Variants in CHRDL2 observed in about 807,000 individuals in gnomAD.
The protein encoded by CHRDL2 is chordin like 2.
A neutral mutation model predicts 54.3 loss-of-function variants in CHRDL2; 41 were observed. The observed-to-expected ratio is 0.76, with a 90% CI of 0.59 to 0.98. The LOEUF (loss-of-function observed/expected upper bound fraction) is 0.98, where lower values mean the gene tolerates loss of function less well. Ranked by LOEUF, CHRDL2 falls within the 50% of genes least tolerant of loss-of-function variation. The probability of loss-of-function intolerance (pLI) is 0.00; values close to 1 mark genes in which losing one functional copy is unlikely to be tolerated. For synonymous variants in CHRDL2, 220 were observed against 224.3 expected (o/e 0.98, Z 0.17); for missense variants, 518 against 562.4 (o/e 0.92, Z 0.80).
In CHRDL2 at chr11:74,713,346, G is replaced by A. The variant is rs531305449; in HGVS notation, c.289+40C>T. 3.2e-6 allele frequency: 5 copies of A among 1,565,054 alleles called. No homozygotes were observed. In the Admixed American group the frequency reaches 5.0e-5, roughly 16 times the overall value. On this transcript the variant is annotated intron_variant, in intron 3 of 10. Coordinates refer to ENST00000376332, the MANE Select transcript of CHRDL2 (RefSeq NM_001278473.3). ...CTAGAGGGCTACACTGGGAGTAGGA[G>A]AAAGGTCCATGGACGATGGGGAGGA...
chr11:74,699,674 G>A (rs1170141670), intron 9 of CHRDL2: 1 of 152,280 alleles, frequency 6.6e-6, no homozygotes, highest in Non-Finnish European at 1.5e-5. Flanking sequence ...TTAACCCTAA[G>A]CCAACTATCT....
chr11:74,721,711 G>T (rs2034503027), intron 1 of CHRDL2, among the ~76,000 whole-genome samples: 1 of 152,266 alleles, frequency 6.6e-6, no homozygotes, highest in African/African-American at 2.4e-5. Context: ...GGTGAAAACA[G>T]TTTTAGTTCT....
At chr11:74,728,121 A>G (rs1317978564) in intron 1 of CHRDL2, among the ~76,000 whole-genome samples, 3 of 152,174 alleles carry the variant, frequency 2.0e-5, no homozygotes, top group African/African-American at 7.2e-5. Flanking sequence ...GGCTCAATCT[A>G]TGGCTGGAAA....
Position 74,702,805 on chromosome 11 carries a change from T to C in CHRDL2, c.1109A>G (p.Lys370Arg), listed in dbSNP as rs557368134. ...ASDLVEIYLW[K>R]LVKGIFHLTQ... ...GGGCCAGCACTCACCTTTTACCAGC[T>C]TCCAGAGGTAGATCTCCACCAAGTC... Residue 370 changes from lysine (K) to arginine (R), a missense_variant, in exon 9 of 11, where the codon AAG (lysine) becomes AGG (arginine). By Grantham distance (26) the Lys-to-Arg change is conservative. Transcript: ENST00000376332. The C allele has an allele frequency of 1.9e-6, 3 of 1,614,022 alleles. No individual in the cohort carries two copies. The highest frequency in any genetic ancestry group is 1.1e-5 in the South Asian group (1 of 91,076).
chr11:74,721,720 C>T (rs1381826435), intron 1 of CHRDL2, among the ~76,000 whole-genome samples: 2 of 152,272 alleles, frequency 1.3e-5, no homozygotes, highest in African/African-American at 4.8e-5. Context: ...AGTTTTAGTT[C>T]TTTAAGCCAC....
chr11:74,718,442 C>T (rs994377692), intron 2 of CHRDL2, among the ~76,000 whole-genome samples: 4 of 152,162 alleles, frequency 2.6e-5, no homozygotes, highest in Non-Finnish European at 5.9e-5. Context: ...GAGGCTGGCA[C>T]CAGCACGAGG....
chr11:74,703,813 T>C (rs1448905838), intron 7 of CHRDL2, among the ~76,000 whole-genome samples: 1 of 152,216 alleles, frequency 6.6e-6, no homozygotes, highest in Non-Finnish European at 1.5e-5. Flanking sequence ...AGGTCAACTT[T>C]CGTCATCACC....
At position 74,696,587 on chromosome 11, in the gene CHRDL2, T is replaced by C. The variant is rs759761087; in HGVS notation, c.1214-2A>G. ...GGGCTAGGAAGACGTTCCAGTGACCTGCATGGAGGAGGGCAGAAGAGGGAA... is the reference window on the plus strand; with the variant it reads ...GGGCTAGGAAGACGTTCCAGTGACCCGCATGGAGGAGGGCAGAAGAGGGAA... On this transcript the variant is annotated splice_acceptor_variant, in intron 10 of 10. Transcript: ENST00000376332. LOFTEE classifies it high-confidence loss of function. 2.9e-5 allele frequency: 47 copies of C among 1,612,356 alleles called. No homozygotes were observed. The highest frequency in any genetic ancestry group is 3.6e-5 in the Non-Finnish European group (42 of 1,178,906).
chr11:74,706,066 G>A (rs1185050452), intron 6 of CHRDL2, among the ~76,000 whole-genome samples: 1 of 152,100 alleles, frequency 6.6e-6, no homozygotes, highest in East Asian at 1.9e-4. Flanking sequence ...CCAAGATACA[G>A]GGGGGTACAG....
chr11:74,724,277 T>C (rs990699155), intron 1 of CHRDL2, among the ~76,000 whole-genome samples: 15 of 151,422 alleles, frequency 9.9e-5, no homozygotes, highest in African/African-American at 3.7e-4. Flanking sequence ...CAGAGGCTTC[T>C]CTTTGGCATA....
At chr11:74,701,968 A>G (rs1412064077) in intron 9 of CHRDL2, among the ~76,000 whole-genome samples, 2 of 152,124 alleles carry the variant, frequency 1.3e-5, no homozygotes, top group Non-Finnish European at 1.5e-5. Flanking sequence ...TATCGATGAA[A>G]ACCTGCTGGG....
At chr11:74,716,031 TA>T (rs61138716) in intron 2 of CHRDL2, among the ~76,000 whole-genome samples, 9,398 of 152,152 alleles carry the variant, frequency 0.062, 385 homozygotes, top group African/African-American at 0.11. Flanking sequence ...ATTTCATTAA[TA>T]GGGGTAGACT....
chr11:74,697,607 A>G, intron 9 of CHRDL2: 1 of 490,110 alleles, frequency 2.0e-6, no homozygotes. Context: ...TCACCCTGTC[A>G]TTCCCCTTCC....
In CHRDL2 at chr11:74,702,177, G is replaced by T. The variant is rs369666683; in HGVS notation, c.1120+617C>A. Among the ~76,000 whole-genome samples the T allele has an allele frequency of 2.4e-4, 37 of 151,830 alleles. No homozygotes were observed. The South Asian group carries it at 7.1e-3, about 29-fold the overall frequency. On this transcript the variant is annotated intron_variant, in intron 9 of 10. Transcript: ENST00000376332. ...AGGCTGAGATGGGAGGATCGTTTGAGCCCAGGAGAATGAGGTTGCAGTGGA... is the reference window on the plus strand; with the variant it reads ...AGGCTGAGATGGGAGGATCGTTTGATCCCAGGAGAATGAGGTTGCAGTGGA...
At chr11:74,726,478 G>A (rs1321510274) in intron 1 of CHRDL2, among the ~76,000 whole-genome samples, 1 of 152,206 alleles carries the variant, frequency 6.6e-6, no homozygotes, top group Non-Finnish European at 1.5e-5. Context: ...AAGAACTCCT[G>A]AGTACAAGAA....
intron 3 of CHRDL2, among the ~76,000 whole-genome samples, chr11:74,711,354 C>G (rs1486436809): frequency 1.3e-5 from 2 of 152,202 alleles, no homozygotes; most frequent in Non-Finnish European, 2.9e-5. Context: ...CTTCTCAGTG[C>G]CAGGCACTGT....
intron 9 of CHRDL2, among the ~76,000 whole-genome samples, chr11:74,700,647 T>TA (rs1197770235): frequency 9.4e-5 from 14 of 148,974 alleles, no homozygotes; most frequent in South Asian, 2.1e-4. Context: ...ATTATTATTT[T>TA]TTTTTTTTTG....
intron 3 of CHRDL2, among the ~76,000 whole-genome samples, chr11:74,711,455 T>TG (rs1475880994): frequency 6.6e-6 from 1 of 152,184 alleles, no homozygotes; most frequent in Non-Finnish European, 1.5e-5. Flanking sequence ...ATTGTCCCTG[T>TG]GCTTGGGTAA....
chr11:74,715,339 C>T (rs1565155624), intron 2 of CHRDL2, among the ~76,000 whole-genome samples: 1 of 152,204 alleles, frequency 6.6e-6, no homozygotes, highest in Non-Finnish European at 1.5e-5. Context: ...CACAGTGGCT[C>T]ACGCCTGTAA....
Sources: gnomAD v4.1 joint callset for allele counts (sites outside exome capture counted in the v4.1 genomes callset) on GRCh38, gnomAD v4.1.1 for gene constraint, MANE v1.5 for transcripts, NCBI Gene and HGNC (gene_info 2026-07-23, HGNC 2026-07-21) for gene names.